P2RY1: variants seen among roughly 807,000 people sequenced by gnomAD.
P2RY1 encodes the protein purinergic receptor P2Y1, also known as P2Y purinoceptor 1.
Under a neutral mutation model 22.8 loss-of-function variants are expected in P2RY1, and 14 were observed. The observed-to-expected ratio is 0.61, with a 90% confidence interval of 0.41 to 0.96. The LOEUF (loss-of-function observed/expected upper bound fraction) is 0.96, where lower values mean the gene tolerates loss of function less well. Among genes scored for constraint, P2RY1 ranks in the 40% least tolerant of loss-of-function variants. P2RY1 has a pLI of 0.00. For synonymous variants in P2RY1, 200 were observed against 195.1 expected, an observed-to-expected ratio of 1.03 and a Z score of -0.21; for missense variants, 395 against 470.3, an observed-to-expected ratio of 0.84 and a Z score of 1.48.
At position 152,835,839 on chromosome 3, in the gene P2RY1, C is replaced by A. The variant is rs1065776; in HGVS notation, c.57C>A (p.Ala19=). The stretch of plus-strand genomic sequence containing the variant: ...ACGGGACGGACGCTGCCTTCCTGGC[C>A]GGTCCGGGTTCGTCCTGGGGGAACA... The part of the protein sequence containing the change: ...VPNGTDAAFL[A]GPGSSWGNST... The change falls in exon 1 of 1, where the codon GCC becomes GCA. Residue 19 remains alanine, a synonymous_variant. Transcript: ENST00000305097. 23 of 1,612,536 alleles carry A rather than the reference C, an allele frequency of 1.4e-5. No homozygotes were observed. Among genetic ancestry groups the A allele is most frequent in the Non-Finnish European group, 1.9e-5 (22 of 1,179,982 alleles).
In P2RY1 at chr3:152,841,263, T is replaced by TTGTGTGTGTGTG. The variant is rs56261476; in HGVS notation, c.*4383_*4394dup. On this transcript the variant is annotated 3_prime_UTR_variant, in exon 1 of 1. Coordinates refer to ENST00000305097, the MANE Select transcript of P2RY1 (RefSeq NM_002563.5). ...TTTGCATGTAAGAGTATGCAAAACCTTGTGTGTGTGTGTGTGTGTGTGTGT... is the reference window on the plus strand; with the variant it reads ...TTTGCATGTAAGAGTATGCAAAACCTTGTGTGTGTGTGTGTGTGTGTGTGTGTGTGTGTGTGT... The TTGTGTGTGTGTG allele has an allele frequency of 2.1e-4, 31 of 145,978 alleles. No individual in the cohort carries two copies. Among genetic ancestry groups the TTGTGTGTGTGTG allele is most frequent in the African/African-American group, 7.5e-4 (30 of 40,112 alleles). 9.0% of individuals were successfully genotyped at this position (145,978 alleles called of 1,614,324 possible).
In P2RY1 at chr3:152,835,578, G is replaced by T; in HGVS notation, c.-205G>T. 1.8e-6 allele frequency: 1 copy of T among 562,884 alleles called. No homozygotes were observed. The highest frequency in any genetic ancestry group is 3.1e-6 in the Non-Finnish European group (1 of 325,544). The allele number at this position is 562,884 out of a possible 1,614,324, so 34.9% of individuals were successfully genotyped here. The stretch of plus-strand genomic sequence containing the variant: ...TGCCCGATAGCCCAGTTCGGTGGCG[G>T]CCCGGGGCGGATTTCATGGCCCGCG... On this transcript the variant is annotated 5_prime_UTR_variant, in exon 1 of 1. Coordinates refer to ENST00000305097, the MANE Select transcript of P2RY1 (RefSeq NM_002563.5).
In P2RY1 at chr3:152,836,614, G is replaced by T; in HGVS notation, c.832G>T (p.Val278Leu). The T allele has an allele frequency of 1.2e-6, 2 of 1,614,160 alleles. No individual in the cohort carries two copies. Among genetic ancestry groups the T allele is most frequent in the African/African-American group, 2.7e-5 (2 of 75,014 alleles). Reference sequence around the variant, plus strand: ...TGCTGTGTCTTACATCCCTTTCCATGTGATGAAAACGATGAACTTGAGGGC... The same window carrying T: ...TGCTGTGTCTTACATCCCTTTCCATTTGATGAAAACGATGAACTTGAGGGC... ...VFAVSYIPFHVMKTMNLRARL... is the reference protein window; with the variant it reads ...VFAVSYIPFHLMKTMNLRARL... The change falls in exon 1 of 1, where the codon GTG (valine) becomes TTG (leucine). Residue 278 changes from valine to leucine, a missense_variant. Physicochemically the swap from Val to Leu is conservative, Grantham distance 32. Transcript: ENST00000305097. This position sits in a 1 kb window ranked among gnomAD's most constrained non-coding sequence, Gnocchi z 5.6.
In P2RY1 at chr3:152,835,941, C is replaced by A; in HGVS notation, c.159C>A (p.Tyr53Ter). The A allele has an allele frequency of 6.2e-7, 1 of 1,614,210 alleles. No individual in the cohort carries two copies. The highest frequency in any genetic ancestry group is 1.1e-5 in the South Asian group (1 of 91,086). The change falls in exon 1 of 1, where the codon TAC (tyrosine) becomes TAA (stop). Residue 53 changes from tyrosine (Y) to a stop codon, truncating the protein, a stop_gained. Transcript: ENST00000305097. LOFTEE classifies it high-confidence loss of function. The part of the protein sequence containing the change: ...ALTKTGFQFY[Y>*]LPAVYILVFI... ...CCAAGACGGGCTTCCAGTTTTACTA[C>A]CTGCCGGCTGTCTACATCTTGGTAT...
In P2RY1 at chr3:152,835,615, G is replaced by A; in HGVS notation, c.-168G>A. The stretch of plus-strand genomic sequence containing the variant: ...TTTCATGGCCCGCGGCGAACGCGGG[G>A]CCAGAGCTGGCGTGGGCGAGCCCCT... On this transcript the variant is annotated 5_prime_UTR_variant, in exon 1 of 1. Coordinates refer to ENST00000305097, the MANE Select transcript of P2RY1 (RefSeq NM_002563.5). 1.6e-6 allele frequency: 1 copy of A among 643,646 alleles called. No individual in the cohort carries two copies. The highest frequency in any genetic ancestry group is 1.9e-5 in the African/African-American group (1 of 52,202). The allele number at this position is 643,646 out of a possible 1,614,324, so 39.9% of individuals were successfully genotyped here.
rs982176643 is a variant in P2RY1, at chr3:152,838,205, T to C, written c.*1301T>C. 8.3e-4 allele frequency: 127 copies of C among 152,336 alleles called. 1 individual carries two copies. The highest frequency in any genetic ancestry group is 2.9e-3 in the African/African-American group (119 of 41,562). The allele number at this position is 152,336 out of a possible 1,614,324, so 9.4% of individuals were successfully genotyped here. A position where few individuals can be genotyped will look rare whatever the true frequency, so the allele number is the denominator to read the frequency against. The stretch of plus-strand genomic sequence containing the variant: ...ACCTAGATGCCATAGCACTGAAAAG[T>C]AAAGTACTACTCAAACTACTAATAG... On this transcript the variant is annotated 3_prime_UTR_variant, in exon 1 of 1. Transcript: ENST00000305097.
Position 152,835,788 on chromosome 3 carries a change from C to T in P2RY1, c.6C>T (p.Thr2=), listed in dbSNP as rs770369374. 1.9e-6 allele frequency: 3 copies of T among 1,599,542 alleles called. No individual in the cohort carries two copies. Among genetic ancestry groups the T allele is most frequent in the South Asian group, 2.2e-5 (2 of 90,166 alleles). The change falls in exon 1 of 1, where the codon ACC becomes ACT. Residue 2 remains threonine, a synonymous_variant. Coordinates refer to ENST00000305097, the MANE Select transcript of P2RY1 (RefSeq NM_002563.5). M[T]EVLWPAVPNG... ...CCTAAGTCGAGGAGGAGAGAATGACCGAGGTGCTGTGGCCGGCTGTCCCCA... is the reference window on the plus strand; with the variant it reads ...CCTAAGTCGAGGAGGAGAGAATGACTGAGGTGCTGTGGCCGGCTGTCCCCA...
rs530609243 is a variant in P2RY1 at position 152,837,440 on chromosome 3, A to G, written c.*536A>G. 11 of 167,084 alleles carry G rather than the reference A, an allele frequency of 6.6e-5. No homozygotes were observed. The highest frequency in any genetic ancestry group is 1.5e-4 in the Non-Finnish European group (10 of 68,604). 10.4% of individuals were successfully genotyped at this position (167,084 alleles called of 1,614,324 possible). ...AGCGGGGTGTTTTTTTCAGTGTCTT[A>G]TAAGCATAGATGATAGTTGACTGAG... On this transcript the variant is annotated 3_prime_UTR_variant, in exon 1 of 1. Transcript: ENST00000305097.
At position 152,838,108 on chromosome 3, in the gene P2RY1, T is replaced by C. The variant is rs1716216788; in HGVS notation, c.*1204T>C. The C allele has an allele frequency of 6.2e-6, 1 of 161,596 alleles. No homozygotes were observed. The highest frequency in any genetic ancestry group is 1.5e-5 in the Non-Finnish European group (1 of 68,084). 10.0% of individuals were successfully genotyped at this position (161,596 alleles called of 1,614,324 possible). On this transcript the variant is annotated 3_prime_UTR_variant, in exon 1 of 1. Transcript: ENST00000305097. ...ATTGATAGAATGGGAAGCTATAATC[T>C]TTGAATAAACCTTACATCTCAATAT...
rs991484741 is a variant in P2RY1, at chr3:152,840,261, T to A, written c.*3357T>A. ...TCTTGGAATATTTAAGTCTTCACAT[T>A]TTTTGGTCTAAAATATGAAAATGTT... On this transcript the variant is annotated 3_prime_UTR_variant, in exon 1 of 1. Coordinates refer to ENST00000305097, the MANE Select transcript of P2RY1 (RefSeq NM_002563.5). 1.3e-5 allele frequency: 2 copies of A among 152,198 alleles called. No individual in the cohort carries two copies. The allele number at this position is 152,198 out of a possible 1,614,324, so 9.4% of individuals were successfully genotyped here. A position where few individuals can be genotyped will look rare whatever the true frequency, so the allele number is the denominator to read the frequency against.
chr3:152,836,448 C>G lies in P2RY1; in HGVS notation c.666C>G (p.Thr222=), dbSNP rs564785614. The part of the protein sequence containing the change: ...RSYFIYSMCT[T]VAMFCVPLVL... ...ATTTCATCTACAGCATGTGCACGACCGTGGCCATGTTCTGTGTCCCCTTGG... is the reference window on the plus strand; with the variant it reads ...ATTTCATCTACAGCATGTGCACGACGGTGGCCATGTTCTGTGTCCCCTTGG... Residue 222 remains threonine (T), a synonymous_variant, in exon 1 of 1, where the codon ACC becomes ACG. Transcript: ENST00000305097. The surrounding 1 kb of genome is among the most constrained non-coding windows in gnomAD (Gnocchi z 5.6). The G allele has an allele frequency of 6.2e-7, 1 of 1,613,990 alleles. No homozygotes were observed. Among genetic ancestry groups the G allele is most frequent in the Non-Finnish European group, 8.5e-7 (1 of 1,180,030 alleles).
chr3:152,836,957 C>A lies in P2RY1; in HGVS notation c.*53C>A. 7.3e-7 allele frequency: 1 copy of A among 1,374,940 alleles called. No homozygotes were observed. The highest frequency in any genetic ancestry group is 1.0e-6 in the Non-Finnish European group (1 of 1,001,724). The allele number at this position is 1,374,940 out of a possible 1,614,324, so 85.2% of individuals were successfully genotyped here. A position where few individuals can be genotyped will look rare whatever the true frequency, so the allele number is the denominator to read the frequency against. ...TGTTGTAATATGGTAGGATGCTTAACAGAATCAAGTACTTTTCCCCTCTTT... is the reference window on the plus strand; with the variant it reads ...TGTTGTAATATGGTAGGATGCTTAAAAGAATCAAGTACTTTTCCCCTCTTT... On this transcript the variant is annotated 3_prime_UTR_variant, in exon 1 of 1. Transcript: ENST00000305097. This position sits in a 1 kb window ranked among gnomAD's most constrained non-coding sequence, Gnocchi z 5.6.
At position 152,839,272 on chromosome 3, in the gene P2RY1, C is replaced by A. The variant is rs745843297; in HGVS notation, c.*2368C>A. On this transcript the variant is annotated 3_prime_UTR_variant, in exon 1 of 1. Coordinates refer to ENST00000305097, the MANE Select transcript of P2RY1 (RefSeq NM_002563.5). ...CATGCCACATAGTAACAAGAATGAT[C>A]TTGCCAACTCCTTCCAAGCCAAAAG... The A allele has an allele frequency of 6.6e-6, 1 of 152,076 alleles. No individual in the cohort carries two copies. The highest frequency in any genetic ancestry group is 1.5e-5 in the Non-Finnish European group (1 of 68,028). 9.4% of individuals were successfully genotyped at this position (152,076 alleles called of 1,614,324 possible).
rs1458110809 is a variant in P2RY1, at chr3:152,838,993, T to C, written c.*2089T>C. The C allele has an allele frequency of 6.6e-6, 1 of 152,200 alleles. No individual in the cohort carries two copies. The highest frequency in any genetic ancestry group is 1.9e-4 in the East Asian group (1 of 5,198). The allele number at this position is 152,200 out of a possible 1,614,324, so 9.4% of individuals were successfully genotyped here. Reference sequence around the variant, plus strand: ...AGGACTTGTACCAGACTTGAACTTGTAGCCTAATGATACACATTTTTACAA... The same window carrying C: ...AGGACTTGTACCAGACTTGAACTTGCAGCCTAATGATACACATTTTTACAA... On this transcript the variant is annotated 3_prime_UTR_variant, in exon 1 of 1. Coordinates refer to ENST00000305097, the MANE Select transcript of P2RY1 (RefSeq NM_002563.5).
chr3:152,841,151 G>C lies in P2RY1; in HGVS notation c.*4247G>C, dbSNP rs570436082. On this transcript the variant is annotated 3_prime_UTR_variant, in exon 1 of 1. Coordinates refer to ENST00000305097, the MANE Select transcript of P2RY1 (RefSeq NM_002563.5). ...AGCTTTCTCAGGTTTATCTAAATCA[G>C]TGGTAGCTTAACAAAACCCAGACTA... 6.6e-6 allele frequency: 1 copy of C among 152,236 alleles called. No homozygotes were observed. The highest frequency in any genetic ancestry group is 6.5e-5 in the Admixed American group (1 of 15,288). 9.4% of individuals were successfully genotyped at this position (152,236 alleles called of 1,614,324 possible).
Position 152,835,400 on chromosome 3 carries a change from A to C in P2RY1, c.-383A>C, listed in dbSNP as rs1026563338. ...CCCCAAGCTAGAGCCCTGCAGAGCG[A>C]GTTTCCCTTGACCTCGCTGCGCCTC... On this transcript the variant is annotated 5_prime_UTR_variant, in exon 1 of 1. Transcript: ENST00000305097. 18 of 238,538 alleles carry C rather than the reference A, an allele frequency of 7.5e-5. No individual in the cohort carries two copies. The East Asian group carries it at 1.9e-3, about 26-fold the overall frequency. 14.8% of individuals were successfully genotyped at this position (238,538 alleles called of 1,614,324 possible).
Position 152,835,954 on chromosome 3 carries a change from T to A in P2RY1, c.172T>A (p.Tyr58Asn). The A allele has an allele frequency of 6.2e-7, 1 of 1,614,230 alleles. No homozygotes were observed. The highest frequency in any genetic ancestry group is 8.5e-7 in the Non-Finnish European group (1 of 1,180,032). Reference sequence around the variant, plus strand: ...CCAGTTTTACTACCTGCCGGCTGTCTACATCTTGGTATTCATCATCGGCTT... The same window carrying A: ...CCAGTTTTACTACCTGCCGGCTGTCAACATCTTGGTATTCATCATCGGCTT... ...GFQFYYLPAV[Y>N]ILVFIIGFLG... Residue 58 changes from tyrosine to asparagine, a missense_variant, in exon 1 of 1, where the codon TAC (tyrosine) becomes AAC (asparagine). Around this residue, in one of 3 missense-constraint regions of P2RY1, gnomAD observed 98 missense variants for 87.7 expected, o/e 1.12. Transcript: ENST00000305097.
chr3:152,837,742 G>A lies in P2RY1; in HGVS notation c.*838G>A, dbSNP rs139453601. On this transcript the variant is annotated 3_prime_UTR_variant, in exon 1 of 1. Coordinates refer to ENST00000305097, the MANE Select transcript of P2RY1 (RefSeq NM_002563.5). Reference sequence around the variant, plus strand: ...TGCAATGCCTTAGGACTTTGTTTGTGTTCCAGGACAAGTGTTCACTCACAT... The same window carrying A: ...TGCAATGCCTTAGGACTTTGTTTGTATTCCAGGACAAGTGTTCACTCACAT... 1 of 167,058 alleles carries A rather than the reference G, an allele frequency of 6.0e-6. No individual in the cohort carries two copies. The highest frequency in any genetic ancestry group is 6.5e-5 in the Admixed American group (1 of 15,286). The allele number at this position is 167,058 out of a possible 1,614,324, so 10.3% of individuals were successfully genotyped here. A position where few individuals can be genotyped will look rare whatever the true frequency, so the allele number is the denominator to read the frequency against.
rs1186343564 is a variant in P2RY1, at chr3:152,839,366, G to A, written c.*2462G>A. On this transcript the variant is annotated 3_prime_UTR_variant, in exon 1 of 1. Transcript: ENST00000305097. The stretch of plus-strand genomic sequence containing the variant: ...TCAGGGTGAAGCAGTGATCTCTATT[G>A]GCTGAAAAACTGATCAGGTCATATG... The A allele has an allele frequency of 6.6e-6, 1 of 152,134 alleles. No homozygotes were observed. The highest frequency in any genetic ancestry group is 1.5e-5 in the Non-Finnish European group (1 of 68,012). 9.4% of individuals were successfully genotyped at this position (152,134 alleles called of 1,614,324 possible).
Sources: allele counts gnomAD v4.1 joint callset, GRCh38; gene constraint gnomAD v4.1.1; regional missense constraint gnomAD v4.1.1; non-coding constraint Gnocchi (gnomAD v3.1); transcripts MANE v1.5; gene names NCBI Gene and HGNC (gene_info 2026-07-23, HGNC 2026-07-21).